LUZP1: variants seen among roughly 807,000 people sequenced by gnomAD.
LUZP1 encodes the protein filamin mechanobinding actin cross-linking protein.
LUZP1 carries 25 observed loss-of-function variants against 71.3 expected under a neutral mutation model. That is an observed-to-expected ratio of 0.35 (90% CI 0.26 to 0.49). The LOEUF (loss-of-function observed/expected upper bound fraction) is 0.49, where lower values mean the gene tolerates loss of function less well. LUZP1 is among the 20% of genes least tolerant of loss of function. LUZP1 has a pLI of 0.99. For synonymous variants in LUZP1, 481 were observed against 506.4 expected (o/e 0.95, Z 0.67); for missense variants, 1,142 against 1,300.8 (o/e 0.88, Z 1.88).
intron 2 of LUZP1, among the ~76,000 whole-genome samples, chr1:23,117,773 CT>C (rs1644097163): frequency 6.6e-6 from 1 of 151,996 alleles, no homozygotes; most frequent in Admixed American, 6.6e-5. Context: ...GCCAACATGT[CT>C]CACGTCAAAG....
chr1:23,146,433 A>G (rs1344701052), intron 2 of LUZP1, among the ~76,000 whole-genome samples: 1 of 152,230 alleles, frequency 6.6e-6, no homozygotes, highest in Non-Finnish European at 1.5e-5. Context: ...AGCCGTATGG[A>G]CAAGTTACTT....
At chr1:23,121,504 G>A (rs547146566) in intron 2 of LUZP1, among the ~76,000 whole-genome samples, 1 of 152,286 alleles carries the variant, frequency 6.6e-6, no homozygotes, top group South Asian at 2.1e-4. Context: ...GATCACTTGA[G>A]GCCAGGAGTT....
exon 5 of LUZP1, chr1:23,084,498 A>G (rs1643728961): frequency 6.6e-6 from 1 of 152,286 alleles, no homozygotes; most frequent in South Asian, 2.1e-4. Context: ...GTTCTGCCTC[A>G]TCCCAGCATC....
chr1:23,151,037 T>A (rs570207211), intron 2 of LUZP1, among the ~76,000 whole-genome samples: 1 of 152,078 alleles, frequency 6.6e-6, no homozygotes, highest in Non-Finnish European at 1.5e-5. Flanking sequence ...GATTTAGAAC[T>A]GGGTTTTTTG....
At chr1:23,147,013 C>T (rs1644348099) in intron 2 of LUZP1, among the ~76,000 whole-genome samples, 2 of 151,800 alleles carry the variant, frequency 1.3e-5, no homozygotes, top group Non-Finnish European at 2.9e-5. Flanking sequence ...AGGAGAATGG[C>T]GTGAGCCCGG....
chr1:23,142,582 G>A (rs1644311622), intron 2 of LUZP1, among the ~76,000 whole-genome samples: 1 of 151,806 alleles, frequency 6.6e-6, no homozygotes, highest in Non-Finnish European at 1.5e-5. Flanking sequence ...GGTATGATGG[G>A]GCCAGAATTA....
chr1:23,167,059 G>A (rs766183723), intron 2 of LUZP1, among the ~76,000 whole-genome samples: 7 of 152,094 alleles, frequency 4.6e-5, no homozygotes, highest in Non-Finnish European at 7.4e-5. Context: ...TCTGCCCCCA[G>A]GGGAATTCTG....
At chr1:23,157,563 G>C (rs1023983913) in intron 2 of LUZP1, among the ~76,000 whole-genome samples, 1 of 152,026 alleles carries the variant, frequency 6.6e-6, no homozygotes, top group Non-Finnish European at 1.5e-5. Context: ...AGCCAAGGCA[G>C]GCAGATCACC....
chr1:23,138,707 A>G (rs751655897), intron 2 of LUZP1, among the ~76,000 whole-genome samples: 23,901 of 136,202 alleles, frequency 0.18, 2,025 homozygotes, highest in East Asian at 0.26. Flanking sequence ...GTATATATAT[A>G]TATATATAAA....
chr1:23,127,131 A>G (rs1472571771), intron 2 of LUZP1, among the ~76,000 whole-genome samples: 2 of 152,222 alleles, frequency 1.3e-5, no homozygotes, highest in South Asian at 2.1e-4. Context: ...TCATTGGTCT[A>G]TGGGCAGTAA....
intron 1 of LUZP1, among the ~76,000 whole-genome samples, chr1:23,171,533 C>T (rs370569446): frequency 6.6e-6 from 1 of 152,330 alleles, no homozygotes; most frequent in East Asian, 1.9e-4. Flanking sequence ...TCTCTGCAAT[C>T]CTCTAGGAGA....
At chr1:23,173,464 C>T (rs1026174825) in intron 1 of LUZP1, among the ~76,000 whole-genome samples, 4 of 150,026 alleles carry the variant, frequency 2.7e-5, no homozygotes, top group African/African-American at 9.8e-5. Flanking sequence ...AGTAATCCTC[C>T]AACCTCAGCC....
At chr1:23,114,682 G>A (rs534174966) in intron 2 of LUZP1, among the ~76,000 whole-genome samples, 638 of 152,322 alleles carry the variant, frequency 4.2e-3, no homozygotes, top group Non-Finnish European at 7.4e-3. Flanking sequence ...CCAACAAGAA[G>A]GAATGAAGAG....
At chr1:23,168,193 G>A (rs1314478166) in intron 2 of LUZP1, among the ~76,000 whole-genome samples, 1 of 142,532 alleles carries the variant, frequency 7.0e-6, no homozygotes, top group Non-Finnish European at 1.6e-5. Flanking sequence ...CCCGCAGCTG[G>A]CCCCGCACGC....
chr1:23,151,788 G>T (rs778779895), intron 2 of LUZP1, among the ~76,000 whole-genome samples: 1 of 152,110 alleles, frequency 6.6e-6, no homozygotes, highest in South Asian at 2.1e-4. Context: ...TGGATCACAA[G>T]GTCAGGAGTT....
chr1:23,112,341 G>A (rs1644041026), intron 2 of LUZP1, among the ~76,000 whole-genome samples: 1 of 152,124 alleles, frequency 6.6e-6, no homozygotes, highest in African/African-American at 2.4e-5. Context: ...TGTTACTGTT[G>A]GTGGTGATAG....
chr1:23,129,552 C>T (rs555358117), intron 2 of LUZP1, among the ~76,000 whole-genome samples: 56 of 152,050 alleles, frequency 3.7e-4, no homozygotes, highest in Non-Finnish European at 6.8e-4. Flanking sequence ...CTGCACTCCA[C>T]CTTGAGCAAT....
intron 4 of LUZP1, chr1:23,090,315 TAA>T (rs1643833510): frequency 6.6e-6 from 1 of 152,542 alleles, no homozygotes; most frequent in Admixed American, 6.5e-5. Flanking sequence ...AGGGACTGAA[TAA>T]GATAGTGGGT....
intron 2 of LUZP1, among the ~76,000 whole-genome samples, chr1:23,113,568 A>C (rs953575750): frequency 1.4e-4 from 21 of 152,166 alleles, no homozygotes; most frequent in African/African-American, 5.1e-4. Context: ...TATTATAACT[A>C]AGATCAATGA....
Sources: allele counts gnomAD v4.1 joint callset (sites outside exome capture counted in the v4.1 genomes callset), GRCh38; gene constraint gnomAD v4.1.1; transcripts MANE v1.5; gene names NCBI Gene and HGNC (gene_info 2026-07-23, HGNC 2026-07-21).